Variants in ITGA6 observed in about 807,000 individuals in gnomAD.
ITGA6 encodes the protein integrin subunit alpha 6.
In ITGA6, 63 loss-of-function variants were observed where a neutral mutation model predicts 133.6. The ratio of observed to expected loss-of-function variants is 0.47; its 90% CI spans 0.38 to 0.58. ITGA6 has a LOEUF of 0.58. Ranked by LOEUF, ITGA6 falls within the 20% of genes least tolerant of loss-of-function variation. The probability of loss-of-function intolerance (pLI) is 0.00; values close to 1 mark genes in which losing one functional copy is unlikely to be tolerated. For synonymous variants in ITGA6, 434 were observed against 482.0 expected (o/e 0.90, Z 1.30); for missense variants, 1,068 against 1,309.4 (o/e 0.82, Z 2.85).
At chr2:172,493,714 G>A (rs1456310090) in intron 23 of ITGA6, among the ~76,000 whole-genome samples, 2 of 152,152 alleles carry the variant, frequency 1.3e-5, no homozygotes, top group Non-Finnish European at 2.9e-5. Context: ...ATTGAGATAA[G>A]AAAACTGAAT....
At chr2:172,453,923 T>C (rs1238126182) in intron 1 of ITGA6, among the ~76,000 whole-genome samples, 3 of 152,248 alleles carry the variant, frequency 2.0e-5, no homozygotes, top group South Asian at 2.1e-4. Flanking sequence ...CCTGCCCCCA[T>C]GGAGCTGACC....
chr2:172,489,647 CT>C lies in ITGA6; in HGVS notation c.2669del (p.Leu890ArgfsTer3). ...TCEPQKEINSLNLTESHNSRK... is the reference protein window; with the variant it reads ...TCEPQKEINSXNLTESHNSRK... The stretch of plus-strand genomic sequence containing the variant: ...TGAGCCACAAAAGGAGATAAACTCC[CT>C]GAACCTAACGGTATGTCGGTAGATT... On this transcript the variant is annotated frameshift_variant, in exon 20 of 26. Coordinates refer to ENST00000684293, the MANE Select transcript of ITGA6 (RefSeq NM_000210.4). LOFTEE classifies it high-confidence loss of function. The C allele has an allele frequency of 6.2e-7, 1 of 1,613,586 alleles. No individual in the cohort carries two copies. Among genetic ancestry groups the C allele is most frequent in the Non-Finnish European group, 8.5e-7 (1 of 1,179,564 alleles).
At chr2:172,432,369 C>T (rs1684137482) in intron 1 of ITGA6, among the ~76,000 whole-genome samples, 1 of 152,236 alleles carries the variant, frequency 6.6e-6, no homozygotes, top group Admixed American at 6.5e-5. Context: ...TCTAATCTCT[C>T]CCAACTGGAT....
chr2:172,443,928 C>A (rs2149005801), intron 1 of ITGA6, among the ~76,000 whole-genome samples: 1 of 152,306 alleles, frequency 6.6e-6, no homozygotes, highest in East Asian at 1.9e-4. Flanking sequence ...GCATGCACTA[C>A]CACGCCTGGC....
At chr2:172,466,872 G>T (rs1256876897) in intron 2 of ITGA6, among the ~76,000 whole-genome samples, 5 of 152,200 alleles carry the variant, frequency 3.3e-5, no homozygotes, top group Admixed American at 3.3e-4. Context: ...AGGTCACACA[G>T]TGGGTTTAAA....
At position 172,476,604 on chromosome 2, in the gene ITGA6, T is replaced by C. The variant is rs952728136; in HGVS notation, c.1388+91T>C. The C allele has an allele frequency of 6.2e-6, 5 of 802,870 alleles. No individual in the cohort carries two copies. In the African/African-American group the frequency reaches 6.7e-5, roughly 11 times the overall value. 49.7% of individuals were successfully genotyped at this position (802,870 alleles called of 1,614,324 possible). A position where few individuals can be genotyped will look rare whatever the true frequency, so the allele number is the denominator to read the frequency against. On this transcript the variant is annotated intron_variant, in intron 9 of 25. Transcript: ENST00000684293. ...TTTGGACTGAAATTTGTCATACCTA[T>C]ACTTCAAAGGTTTATATGAATTGTG...
chr2:172,467,638 C>A, intron 3 of ITGA6, 78 bp downstream of exon 3: 1 of 1,089,672 alleles, frequency 9.2e-7, no homozygotes, highest in Non-Finnish European at 1.4e-6. Context: ...CAGCAGGGGA[C>A]AGCAGGGAGC....
chr2:172,472,723 C>G, intron 5 of ITGA6: 1 of 1,207,782 alleles, frequency 8.3e-7, no homozygotes, highest in Non-Finnish European at 1.2e-6. Context: ...TGCCTCTTAC[C>G]AAGCATAATT....
In ITGA6 at chr2:172,465,615, G is replaced by C. The variant is rs755151257; in HGVS notation, c.259G>C (p.Asp87His). The stretch of plus-strand genomic sequence containing the variant: ...CAGAACGGGAGGGCTGTACAGCTGC[G>C]ACATCACCGCCCGGGGGCCATGCAC... ...ANRTGGLYSC[D>H]ITARGPCTRI... The change falls in exon 2 of 26, where the codon GAC becomes CAC. Residue 87 changes from aspartate to histidine, a missense_variant. Coordinates refer to ENST00000684293, the MANE Select transcript of ITGA6 (RefSeq NM_000210.4). The C allele has an allele frequency of 6.2e-7, 1 of 1,614,258 alleles. No individual in the cohort carries two copies. The highest frequency in any genetic ancestry group is 1.1e-5 in the South Asian group (1 of 91,084).
chr2:172,486,191 A>AAC (rs1686666037), intron 13 of ITGA6, among the ~76,000 whole-genome samples: 1 of 151,194 alleles, frequency 6.6e-6, no homozygotes, highest in African/African-American at 2.4e-5. Context: ...AAAAAAAAAA[A>AAC]AAAAAACAAC....
In ITGA6 at chr2:172,506,319, C is replaced by G. The variant is rs1454113847; in HGVS notation, c.*2251C>G. 2 of 152,010 alleles carry G rather than the reference C, an allele frequency of 1.3e-5. No individual in the cohort carries two copies. Among genetic ancestry groups the G allele is most frequent in the Non-Finnish European group, 3.0e-5 (2 of 67,692 alleles). 9.4% of individuals were successfully genotyped at this position (152,010 alleles called of 1,614,324 possible). A position where few individuals can be genotyped will look rare whatever the true frequency, so the allele number is the denominator to read the frequency against. On this transcript the variant is annotated 3_prime_UTR_variant, in exon 26 of 26. Transcript: ENST00000684293. The stretch of plus-strand genomic sequence containing the variant: ...TTATTTTTGGTGTCTCATGTAATCT[C>G]AGATCAGCCAAAGATACTAGTGCCA...
intron 25 of ITGA6, chr2:172,503,867 G>A (rs1687449856): frequency 5.9e-6 from 2 of 338,884 alleles, no homozygotes; most frequent in Admixed American, 9.3e-5. Context: ...AAGAGAAGAT[G>A]AAAATGGACT....
At chr2:172,477,304 C>T (rs1286080693) in intron 9 of ITGA6, among the ~76,000 whole-genome samples, 1 of 152,112 alleles carries the variant, frequency 6.6e-6, no homozygotes, top group African/African-American at 2.4e-5. Context: ...TCCCTTTAAC[C>T]AGCGCTTTCA....
chr2:172,502,564 T>C (rs1319608812), intron 25 of ITGA6, among the ~76,000 whole-genome samples: 1 of 152,238 alleles, frequency 6.6e-6, no homozygotes, highest in South Asian at 2.1e-4. Flanking sequence ...TGGGCTTTTA[T>C]GGCCAACTTC....
upstream of ITGA6, chr2:172,427,408 C>T (rs980543342): frequency 1.8e-5 from 18 of 1,022,392 alleles, no homozygotes; most frequent in Non-Finnish European, 2.1e-5. Flanking sequence ...AGCTCGCCTC[C>T]GGGGCTCCCA....
In ITGA6 at chr2:172,506,119, G is replaced by A. The variant is rs1425497517; in HGVS notation, c.*2051G>A. The A allele has an allele frequency of 6.6e-6, 1 of 152,572 alleles. No individual in the cohort carries two copies. Among genetic ancestry groups the A allele is most frequent in the African/African-American group, 2.4e-5 (1 of 41,430 alleles). 9.5% of individuals were successfully genotyped at this position (152,572 alleles called of 1,614,324 possible). A position where few individuals can be genotyped will look rare whatever the true frequency, so the allele number is the denominator to read the frequency against. ...ATACATTTTTGTACTAACTAGCATT[G>A]TAAAATTATTTCATGATTAGAAATT... On this transcript the variant is annotated 3_prime_UTR_variant, in exon 26 of 26. Transcript: ENST00000684293.
At chr2:172,428,146 G>T in intron 1 of ITGA6, 176 bp downstream of exon 1, 1 of 384,428 alleles carries the variant, frequency 2.6e-6, no homozygotes, top group Admixed American at 5.1e-5. Context: ...GACCCGCCCC[G>T]CGCGGCGCCT....
At position 172,489,632 on chromosome 2, in the gene ITGA6, A is replaced by G; in HGVS notation, c.2653A>G (p.Lys885Glu). The G allele has an allele frequency of 6.2e-7, 1 of 1,614,092 alleles. No homozygotes were observed. The highest frequency in any genetic ancestry group is 8.5e-7 in the Non-Finnish European group (1 of 1,179,948). ...GLEKVTCEPQKEINSLNLTES... is the reference protein window; with the variant it reads ...GLEKVTCEPQEEINSLNLTES... ...GGAAAAGGTAACTTGTGAGCCACAA[A>G]AGGAGATAAACTCCCTGAACCTAAC... Residue 885 changes from lysine to glutamate, a missense_variant, in exon 20 of 26, where the codon AAG (lysine) becomes GAG (glutamate). Transcript: ENST00000684293.
intron 1 of ITGA6, among the ~76,000 whole-genome samples, chr2:172,454,586 A>G (rs551569698): frequency 7.9e-5 from 12 of 152,294 alleles, no homozygotes; most frequent in East Asian, 3.9e-4. Context: ...TCTGAGCACA[A>G]CTGAATGTGA....
Sources: gnomAD v4.1 joint callset for allele counts (sites outside exome capture counted in the v4.1 genomes callset) on GRCh38, gnomAD v4.1.1 for gene constraint, MANE v1.5 for transcripts, NCBI Gene and HGNC (gene_info 2026-07-23, HGNC 2026-07-21) for gene names.